ATP2B4: variants seen among roughly 807,000 people sequenced by gnomAD.
ATP2B4 encodes ATPase plasma membrane Ca2+ transporting 4, also known as plasma membrane calcium-transporting ATPase 4.
Under a neutral mutation model 110.3 loss-of-function variants are expected in ATP2B4, and 39 were observed. That is an observed-to-expected ratio of 0.35 (90% CI 0.27 to 0.46). The LOEUF is 0.46. Ranked by LOEUF, ATP2B4 falls within the 20% of genes least tolerant of loss-of-function variation. ATP2B4 has a pLI of 1.00. For synonymous variants in ATP2B4, 538 were observed against 571.7 expected (o/e 0.94, Z 0.84); for missense variants, 1,135 against 1,530.9 (o/e 0.74, Z 4.32).
In ATP2B4 at chr1:203,710,872, C is replaced by A; in HGVS notation, c.1800-5C>A. 1 of 1,606,212 alleles carries A rather than the reference C, an allele frequency of 6.2e-7. No individual in the cohort carries two copies. The highest frequency in any genetic ancestry group is 8.5e-7 in the Non-Finnish European group (1 of 1,174,008). Reference sequence around the variant, plus strand: ...ACACCGCGTTCTTACTGTGCGCCTCCCCAGGTGTAATCGAATCCTGGACCG... The same window carrying A: ...ACACCGCGTTCTTACTGTGCGCCTCACCAGGTGTAATCGAATCCTGGACCG... On this transcript the variant is annotated splice_region_variant and splice_polypyrimidine_tract_variant and intron_variant, in intron 11 of 20. Coordinates refer to ENST00000357681, the MANE Select transcript of ATP2B4 (RefSeq NM_001684.5).
At chr1:203,694,835 G>A (rs1236183856) in intron 2 of ATP2B4, among the ~76,000 whole-genome samples, 2 of 152,178 alleles carry the variant, frequency 1.3e-5, no homozygotes, top group South Asian at 2.1e-4. Flanking sequence ...TAATCCAGAT[G>A]AGAGAGGATG....
At chr1:203,687,796 G>A (rs142609155) in intron 2 of ATP2B4, among the ~76,000 whole-genome samples, 2 of 151,998 alleles carry the variant, frequency 1.3e-5, no homozygotes, top group African/African-American at 2.4e-5. Flanking sequence ...TTGGCTGGCC[G>A]CAGTAGCTCA....
chr1:203,720,870 C>T (rs1666301024), intron 16 of ATP2B4, 130 bp downstream of exon 16: 9 of 1,138,634 alleles, frequency 7.9e-6, no homozygotes, highest in Middle Eastern at 6.0e-4. Context: ...CAGGAGTTAG[C>T]TCTTCTAAGT....
chr1:203,698,216 A>T lies in ATP2B4; in HGVS notation c.253A>T (p.Ile85Phe). The change falls in exon 3 of 21, where the codon ATC (isoleucine) becomes TTC (phenylalanine). Residue 85 changes from isoleucine (I) to phenylalanine (F), a missense_variant. Ile to Phe is a conservative substitution (Grantham distance 21). This residue lies in a region of ATP2B4 where 122 missense variants were observed against 125.2 expected (regional missense o/e 0.97). Coordinates refer to ENST00000357681, the MANE Select transcript of ATP2B4 (RefSeq NM_001684.5). ...KRRQVFGHNV[I>F]PPKKPKTFLE... is the part of the protein sequence containing the mutation. ...TAGGCAGGTGTTTGGACACAACGTGATCCCCCCCAAAAAGCCCAAGACTTT... is the reference window on the plus strand; with the variant it reads ...TAGGCAGGTGTTTGGACACAACGTGTTCCCCCCCAAAAAGCCCAAGACTTT... 4 of 1,614,122 alleles carry T rather than the reference A, an allele frequency of 2.5e-6. No homozygotes were observed. Among genetic ancestry groups the T allele is most frequent in the Non-Finnish European group, 3.4e-6 (4 of 1,180,018 alleles).
rs1399069796 is a variant in ATP2B4 at position 203,730,460 on chromosome 1, TC to T, written c.3309+2892del. On this transcript the variant is annotated intron_variant, in intron 20 of 20. Transcript: ENST00000357681. ...ACCCATAGAACCTGGCGCCTTTGGCTCCCATCTCTAAAGCCCCCAGTGCTTT... is the reference window on the plus strand; with the variant it reads ...ACCCATAGAACCTGGCGCCTTTGGCTCCATCTCTAAAGCCCCCAGTGCTTT... Among the ~76,000 whole-genome samples the T allele has an allele frequency of 2.6e-5, 4 of 152,292 alleles. No homozygotes were observed. In the East Asian group the frequency reaches 7.7e-4, roughly 29 times the overall value.
intron 10 of ATP2B4, among the ~76,000 whole-genome samples, 190 bp from the exon 11 acceptor site, chr1:203,709,111 C>T (rs911520052): frequency 4.6e-5 from 7 of 151,936 alleles, no homozygotes; most frequent in African/African-American, 1.7e-4. Flanking sequence ...GAGCCAAGGT[C>T]GTGCCACTGC....
intron 1 of ATP2B4, among the ~76,000 whole-genome samples, chr1:203,637,364 G>T (rs796681683): frequency 1.6e-4 from 24 of 151,592 alleles, no homozygotes; most frequent in African/African-American, 5.1e-4. Flanking sequence ...CCCCGGGGGG[G>T]GGCGGAGCCT....
At chr1:203,645,569 A>G (rs985592569) in intron 1 of ATP2B4, among the ~76,000 whole-genome samples, 4 of 147,420 alleles carry the variant, frequency 2.7e-5, no homozygotes, top group South Asian at 2.1e-4. Flanking sequence ...CACCCTTCCC[A>G]GCTTATACTC....
At position 203,723,919 on chromosome 1, in the gene ATP2B4, T is replaced by C. The variant is rs1035260488; in HGVS notation, c.3063T>C (p.Cys1021=). Reference sequence around the variant, plus strand: ...AATTTGGGGGTAAACCCTTCAGTTGTACAAGCCTCAGCCTGTCTCAGTGGC... The same window carrying C: ...AATTTGGGGGTAAACCCTTCAGTTGCACAAGCCTCAGCCTGTCTCAGTGGC... ...IVEFGGKPFS[C]TSLSLSQWLW... The change falls in exon 19 of 21, where the codon TGT becomes TGC. Residue 1021 remains cysteine, a synonymous_variant. Transcript: ENST00000357681. 5 of 1,611,934 alleles carry C rather than the reference T, an allele frequency of 3.1e-6. No homozygotes were observed. The highest frequency in any genetic ancestry group is 4.2e-6 in the Non-Finnish European group (5 of 1,179,160).
intron 1 of ATP2B4, among the ~76,000 whole-genome samples, chr1:203,662,471 A>T (rs373386481): frequency 7.8e-4 from 118 of 151,578 alleles, no homozygotes; most frequent in African/African-American, 2.7e-3. Context: ...CCCATTCCCC[A>T]CTCCATCCAG....
chr1:203,691,288 A>G (rs1240308948), intron 2 of ATP2B4, among the ~76,000 whole-genome samples: 1 of 152,204 alleles, frequency 6.6e-6, no homozygotes, highest in Admixed American at 6.5e-5. Context: ...ACATTGGACC[A>G]TTAGCTGTTG....
intron 1 of ATP2B4, among the ~76,000 whole-genome samples, 200 bp from the exon 2 acceptor site, chr1:203,682,542 G>A (rs1665046200): frequency 6.6e-6 from 1 of 152,032 alleles, no homozygotes; most frequent in South Asian, 2.1e-4. Context: ...GAGTTTACAG[G>A]CTGCAGGGGC....
chr1:203,638,833 GGCATGATTGTT>G (rs761844003), intron 1 of ATP2B4, among the ~76,000 whole-genome samples: 1 of 152,166 alleles, frequency 6.6e-6, no homozygotes, highest in African/African-American at 2.4e-5. Flanking sequence ...AGGTGCTGGT[GGCATGATTGTT>G]ACTGTTGCTG....
At chr1:203,715,109 T>A (rs1472365701) in intron 15 of ATP2B4, among the ~76,000 whole-genome samples, 4 of 152,098 alleles carry the variant, frequency 2.6e-5, no homozygotes, top group Non-Finnish European at 5.9e-5. Flanking sequence ...TCATGTAATT[T>A]CATCCTTAAA....
chr1:203,675,376 G>T (rs1664798319), intron 1 of ATP2B4, among the ~76,000 whole-genome samples: 1 of 152,220 alleles, frequency 6.6e-6, no homozygotes, highest in Admixed American at 6.5e-5. Flanking sequence ...GCCACTCCAA[G>T]ACTGAGAGGT....
intron 14 of ATP2B4, 74 bp downstream of exon 14, chr1:203,713,326 G>T: frequency 6.4e-7 from 1 of 1,552,268 alleles, no homozygotes; most frequent in Non-Finnish European, 8.9e-7. Flanking sequence ...AGAACCACCA[G>T]CCAAAGCCAC....
rs1459029401 is a variant in ATP2B4 at position 203,720,811 on chromosome 1, C to T, written c.2598+71C>T. 1.7e-5 allele frequency: 25 copies of T among 1,498,562 alleles called. 1 individual carries two copies. Among genetic ancestry groups the T allele is most frequent in the South Asian group, 1.0e-4 (8 of 77,306 alleles). 92.8% of individuals were successfully genotyped at this position (1,498,562 alleles called of 1,614,324 possible). ...GCTAAGGAACATGGAGTGAAGACTA[C>T]GGTGTGTTTACTGAAGAGTAAAGAC... is the stretch of plus-strand genomic sequence containing the variant. On this transcript the variant is annotated intron_variant, in intron 16 of 20. Coordinates refer to ENST00000357681, the MANE Select transcript of ATP2B4 (RefSeq NM_001684.5).
chr1:203,663,866 G>A (rs901905959), intron 1 of ATP2B4, among the ~76,000 whole-genome samples: 6 of 152,096 alleles, frequency 3.9e-5, no homozygotes, highest in Non-Finnish European at 8.8e-5. Flanking sequence ...GGCCTCCTGA[G>A]TCTCTGGGAT....
chr1:203,679,290 G>A (rs546066160), intron 1 of ATP2B4, among the ~76,000 whole-genome samples: 13 of 152,220 alleles, frequency 8.5e-5, no homozygotes, highest in African/African-American at 2.4e-4. Flanking sequence ...CTCATACTCC[G>A]GAGAGTTCAA....
Sources: allele counts gnomAD v4.1 joint callset (sites outside exome capture counted in the v4.1 genomes callset), GRCh38; gene constraint gnomAD v4.1.1; regional missense constraint gnomAD v4.1.1; transcripts MANE v1.5; gene names NCBI Gene and HGNC (gene_info 2026-07-23, HGNC 2026-07-21).